The following SLC66A1 variants were observed in gnomAD, a reference collection of about 807,000 sequenced individuals.
SLC66A1 encodes solute carrier family 66 member 1.
A neutral mutation model predicts 33.0 loss-of-function variants in SLC66A1; 23 were observed. That is an observed-to-expected ratio of 0.70 (90% confidence interval 0.50 to 0.99). The LOEUF (loss-of-function observed/expected upper bound fraction) is 0.99, where lower values mean the gene tolerates loss of function less well. SLC66A1 is among the 50% of genes least tolerant of loss of function. The pLI, the probability that SLC66A1 is intolerant of heterozygous loss-of-function variation, is 0.00. For missense variants in SLC66A1, 335 were observed against 383.6 expected, an observed-to-expected ratio of 0.87 and a Z score of 1.06; for synonymous variants, 164 against 175.5, an observed-to-expected ratio of 0.93 and a Z score of 0.52.
At chr1:19,320,601 G>C (rs2093830550) in intron 2 of SLC66A1, among the ~76,000 whole-genome samples, 1 of 151,392 alleles carries the variant, frequency 6.6e-6, no homozygotes, top group Admixed American at 6.6e-5. Flanking sequence ...TTTTTTAGTA[G>C]AGACGGGGTT....
At chr1:19,323,695 A>C (rs951293506) in intron 2 of SLC66A1, among the ~76,000 whole-genome samples, 3 of 88,854 alleles carry the variant, frequency 3.4e-5, no homozygotes, top group African/African-American at 1.1e-4. Context: ...GTGTGAGCCA[A>C]CCGTGTCTGG....
chr1:19,313,281 C>T (rs1246264541), intron 1 of SLC66A1: 77 of 980,454 alleles, frequency 7.9e-5, no homozygotes, highest in Non-Finnish European at 9.0e-5. Context: ...TCTCCCCTTC[C>T]TTTCTCCTTT....
downstream of SLC66A1, among the ~76,000 whole-genome samples, chr1:19,331,700 T>C (rs1420976203): frequency 6.6e-6 from 1 of 152,226 alleles, no homozygotes; most frequent in African/African-American, 2.4e-5. Flanking sequence ...GTCTGGGACC[T>C]GGCTCCACAC....
In SLC66A1 at chr1:19,326,628, G is replaced by C. The variant is rs929386416; in HGVS notation, c.618+5G>C. ...CTGCCTCAGATCCGCACCAACGTGAGCCTCCAGCAGGGGCTGGGTGGGGCC... is the reference window on the plus strand; with the variant it reads ...CTGCCTCAGATCCGCACCAACGTGACCCTCCAGCAGGGGCTGGGTGGGGCC... On this transcript the variant is annotated splice_donor_5th_base_variant and intron_variant, in intron 6 of 7. Transcript: ENST00000375153. 1.2e-6 allele frequency: 2 copies of C among 1,613,914 alleles called. No homozygotes were observed. Among genetic ancestry groups the C allele is most frequent in the Non-Finnish European group, 1.7e-6 (2 of 1,179,796 alleles).
intron 1 of SLC66A1, among the ~76,000 whole-genome samples, chr1:19,316,352 T>TG (rs1491242148): frequency 1.3e-3 from 157 of 120,162 alleles, no homozygotes; most frequent in South Asian, 7.1e-3. Context: ...CTCTTTATGG[T>TG]TTGTGTGTGT....
chr1:19,326,669 G>T, intron 6 of SLC66A1, 46 bp downstream of exon 6: 1 of 1,589,206 alleles, frequency 6.3e-7, no homozygotes. Flanking sequence ...GAGGAGAGCT[G>T]GCCTGGCCAC....
intron 1 of SLC66A1, among the ~76,000 whole-genome samples, chr1:19,316,353 T>TTGTGTGTGTGTG (rs36226389): frequency 2.0e-4 from 29 of 144,918 alleles, no homozygotes; most frequent in South Asian, 8.9e-4. Context: ...TCTTTATGGT[T>TTGTGTGTGTGTG]TGTGTGTGTG....
chr1:19,325,147 G>A (rs2093857062), intron 3 of SLC66A1, among the ~76,000 whole-genome samples: 1 of 152,226 alleles, frequency 6.6e-6, no homozygotes, highest in African/African-American at 2.4e-5. Flanking sequence ...AATCAGGAAG[G>A]CATTGTCTTC....
Position 19,328,104 on chromosome 1 carries a change from A to G in SLC66A1, c.805-468A>G, listed in dbSNP as rs111565148. 18 of 264,784 alleles carry G rather than the reference A, an allele frequency of 6.8e-5. No homozygotes were observed. Among genetic ancestry groups the G allele is most frequent in the African/African-American group, 3.8e-4 (17 of 44,258 alleles). The allele number at this position is 264,784 out of a possible 1,614,324, so 16.4% of individuals were successfully genotyped here. On this transcript the variant is annotated intron_variant, in intron 7 of 7. Transcript: ENST00000375153. The surrounding 1 kb of genome is among the most constrained non-coding windows in gnomAD (Gnocchi z 4.7). The stretch of plus-strand genomic sequence containing the variant: ...CCCCGTTTTCAGTGAGGGCTCAGAA[A>G]GTGTTTGCTGAATGGCTGTAAAGAG...
downstream of SLC66A1, among the ~76,000 whole-genome samples, chr1:19,331,341 G>A (rs1423383788): frequency 6.6e-6 from 1 of 152,098 alleles, no homozygotes; most frequent in African/African-American, 2.4e-5. Context: ...CCATTTTACA[G>A]ATGGGAGAAC....
intron 6 of SLC66A1, 49 bp downstream of exon 6, chr1:19,326,672 C>T (rs1344882920): frequency 6.3e-7 from 1 of 1,584,776 alleles, no homozygotes; most frequent in Non-Finnish European, 8.7e-7. Context: ...GAGAGCTGGC[C>T]TGGCCACCCG....
intron 2 of SLC66A1, among the ~76,000 whole-genome samples, chr1:19,319,300 C>T (rs1313242328): frequency 3.3e-5 from 5 of 152,208 alleles, no homozygotes; most frequent in Admixed American, 3.3e-4. Context: ...CTCCCGGAAC[C>T]TCTCAGTCCC....
At position 19,327,433 on chromosome 1, in the gene SLC66A1, G is replaced by A. The variant is rs749178136; in HGVS notation, c.804+21G>A. On this transcript the variant is annotated intron_variant, in intron 7 of 7. Coordinates refer to ENST00000375153, the MANE Select transcript of SLC66A1 (RefSeq NM_001040125.2). ...CCATCGTATCCTTCAGGGCGTGTGG[G>A]GCAGGTGGCGGGGTGTGGGCAAGGA... 3.2e-6 allele frequency: 5 copies of A among 1,572,042 alleles called. No homozygotes were observed. In the East Asian group the frequency reaches 6.8e-5, roughly 21 times the overall value.
intron 2 of SLC66A1, 99 bp from the exon 3 acceptor site, chr1:19,324,534 C>G: frequency 1.4e-6 from 2 of 1,458,708 alleles, no homozygotes; most frequent in Non-Finnish European, 1.9e-6. Context: ...ATCGCCGCCT[C>G]GATCCCCATG....
chr1:19,320,539 G>A lies in SLC66A1; in HGVS notation c.164+2698G>A, dbSNP rs547499144. 7.4e-5 allele frequency among the ~76,000 whole-genome samples: 11 copies of A among 149,164 alleles called. 1 individual carries two copies. The East Asian group carries it at 1.6e-3, about 22-fold the overall frequency. ...CGCCATTCTCCTGCCTCAGCCTCCC[G>A]AGTAGCTGGGACTACAGGCACCTGC... On this transcript the variant is annotated intron_variant, in intron 2 of 7. Transcript: ENST00000375153.
chr1:19,324,488 C>A (rs41264065), intron 2 of SLC66A1, 145 bp from the exon 3 acceptor site: 2 of 970,050 alleles, frequency 2.1e-6, no homozygotes, highest in Admixed American at 2.4e-5. Context: ...GGATCCCGCC[C>A]GTGGGGAGGA....
intron 2 of SLC66A1, among the ~76,000 whole-genome samples, chr1:19,322,234 C>T (rs2093841631): frequency 6.6e-6 from 1 of 151,970 alleles, no homozygotes; most frequent in Non-Finnish European, 1.5e-5. Flanking sequence ...GGGCGGGAGG[C>T]TCCCTGTCCA....
chr1:19,323,887 G>A (rs1234059939), intron 2 of SLC66A1, among the ~76,000 whole-genome samples: 2 of 152,212 alleles, frequency 1.3e-5, no homozygotes, highest in African/African-American at 4.8e-5. Flanking sequence ...GGTCATCGTG[G>A]TAGACTGGAC....
At chr1:19,320,736 G>A (rs536649194) in intron 2 of SLC66A1, among the ~76,000 whole-genome samples, 1 of 144,200 alleles carries the variant, frequency 6.9e-6, no homozygotes, top group South Asian at 2.1e-4. Flanking sequence ...TTTTTGAGAC[G>A]TAGTCTTGCT....
Sources: gnomAD v4.1 joint callset for allele counts (sites outside exome capture counted in the v4.1 genomes callset) on GRCh38, gnomAD v4.1.1 for gene constraint, Gnocchi (gnomAD v3.1) non-coding constraint, MANE v1.5 for transcripts, NCBI Gene and HGNC (gene_info 2026-07-23, HGNC 2026-07-21) for gene names.